MCF2L: variants seen among roughly 807,000 people sequenced by gnomAD.
The protein encoded by MCF2L is MCF.2 cell line derived transforming sequence like.
MCF2L carries 97 observed loss-of-function variants against 153.4 expected under a neutral mutation model. The ratio of observed to expected loss-of-function variants is 0.63; its 90% CI spans 0.54 to 0.75. The LOEUF is 0.75. Ranked by LOEUF, MCF2L falls within the 30% of genes least tolerant of loss-of-function variation. MCF2L has a pLI of 0.00. For missense variants in MCF2L, 1,347 were observed against 1,495.2 expected, an observed-to-expected ratio of 0.90 and a Z score of 1.64; for synonymous variants, 659 against 632.2, an observed-to-expected ratio of 1.04 and a Z score of -0.64.
At chr13:113,003,603 C>T (rs1442297414) in intron 1 of MCF2L, among the ~76,000 whole-genome samples, 1 of 152,170 alleles carries the variant, frequency 6.6e-6, no homozygotes, top group Non-Finnish European at 1.5e-5. Context: ...TCCTGAAGGA[C>T]CAGGCAAAGC....
At chr13:113,094,980 G>T in intron 27 of MCF2L, 1 of 1,380,476 alleles carries the variant, frequency 7.2e-7, no homozygotes, top group Non-Finnish European at 9.7e-7. Context: ...TGCCCACCCA[G>T]CCTCCTGTAG....
At chr13:112,977,545 A>G (rs1008944342) in intron 1 of MCF2L, among the ~76,000 whole-genome samples, 8 of 152,236 alleles carry the variant, frequency 5.3e-5, no homozygotes, top group African/African-American at 1.7e-4. Flanking sequence ...GGTTTTAATT[A>G]GTAACATCTT....
Position 113,045,195 on chromosome 13 carries a change from G to A in MCF2L, c.279-76G>A. The stretch of plus-strand genomic sequence containing the variant: ...AATATGGGGGATCGCTCTCCCAAGA[G>A]GTTTTCTGAGGGATTTCGTGGGCAG... On this transcript the variant is annotated intron_variant, in intron 3 of 29. Coordinates refer to ENST00000535094, the MANE Select transcript of MCF2L (RefSeq NM_001112732.3). This position sits in a 1 kb window ranked among gnomAD's most constrained non-coding sequence, Gnocchi z 4.2. The A allele has an allele frequency of 1.7e-6, 2 of 1,190,148 alleles. No homozygotes were observed. Among genetic ancestry groups the A allele is most frequent in the Non-Finnish European group, 2.5e-6 (2 of 793,982 alleles). 73.7% of individuals were successfully genotyped at this position (1,190,148 alleles called of 1,614,324 possible).
At chr13:113,059,271 C>T (rs1280168406) in intron 4 of MCF2L, among the ~76,000 whole-genome samples, 1 of 152,214 alleles carries the variant, frequency 6.6e-6, no homozygotes, top group Non-Finnish European at 1.5e-5. Flanking sequence ...CCACGCGTCC[C>T]CTGACTTCAG....
intron 2 of MCF2L, among the ~76,000 whole-genome samples, chr13:112,931,347 G>A (rs1013622839): frequency 2.0e-5 from 3 of 152,338 alleles, no homozygotes; most frequent in South Asian, 2.1e-4. Context: ...GTCGTTTCCC[G>A]TAGATACAGG....
At chr13:112,919,306 C>T (rs1044196524) in intron 2 of MCF2L, among the ~76,000 whole-genome samples, 137 of 146,088 alleles carry the variant, frequency 9.4e-4, no homozygotes, top group Middle Eastern at 3.6e-3. Flanking sequence ...CCCGGGTTCA[C>T]GCCATTCTCC....
In MCF2L at chr13:113,045,297, T is replaced by A. The variant is rs2086740366; in HGVS notation, c.305T>A (p.Ile102Asn). 1 of 1,613,916 alleles carries A rather than the reference T, an allele frequency of 6.2e-7. No homozygotes were observed. Among genetic ancestry groups the A allele is most frequent in the Admixed American group, 1.7e-5 (1 of 60,014 alleles). Reference protein sequence around the residue: ...PSLQDAGIGFILVIDRRRDKW... With the variant: ...PSLQDAGIGFNLVIDRRRDKW... ...CTGCAGGACGCTGGCATCGGATTCA[T>A]CCTGGTGATAGACCGGCGACGGGAC... is the stretch of plus-strand genomic sequence containing the variant. The change falls in exon 4 of 30, where the codon ATC (isoleucine) becomes AAC (asparagine). Residue 102 changes from isoleucine (I) to asparagine (N), a missense_variant. Ile to Asn is a moderately radical substitution (Grantham distance 149). Coordinates refer to ENST00000535094, the MANE Select transcript of MCF2L (RefSeq NM_001112732.3). This position sits in a 1 kb window ranked among gnomAD's most constrained non-coding sequence, Gnocchi z 4.2.
intron 1 of MCF2L, among the ~76,000 whole-genome samples, chr13:112,990,403 G>A (rs557266909): frequency 3.4e-4 from 52 of 152,330 alleles, no homozygotes; most frequent in African/African-American, 1.3e-3. Flanking sequence ...AGTAAAGAGT[G>A]TGCTAAGCAA....
intron 4 of MCF2L, among the ~76,000 whole-genome samples, chr13:113,049,434 G>A (rs2087060412): frequency 6.6e-6 from 1 of 152,192 alleles, no homozygotes; most frequent in South Asian, 2.1e-4. Context: ...TGACCCCTTG[G>A]GCATCTTGAT....
At chr13:113,020,413 G>T (rs2084801485) in intron 2 of MCF2L, among the ~76,000 whole-genome samples, 1 of 152,236 alleles carries the variant, frequency 6.6e-6, no homozygotes, top group Non-Finnish European at 1.5e-5. Flanking sequence ...GCGTGTGCGT[G>T]TGTGTATCTA....
At chr13:113,023,070 G>A (rs370083472) in intron 2 of MCF2L, among the ~76,000 whole-genome samples, 6 of 152,314 alleles carry the variant, frequency 3.9e-5, no homozygotes, top group South Asian at 2.1e-4. Flanking sequence ...CTTCCCCTTC[G>A]GGGGCTTCCT....
intron 17 of MCF2L, 70 bp downstream of exon 17, chr13:113,082,612 G>A (rs2034255636): frequency 1.7e-6 from 2 of 1,188,636 alleles, no homozygotes; most frequent in South Asian, 2.6e-5. Context: ...GCTTCAGGGG[G>A]CTGGAATGGG....
intron 3 of MCF2L, among the ~76,000 whole-genome samples, chr13:113,029,014 T>G (rs1020423556): frequency 2.0e-5 from 3 of 151,914 alleles, no homozygotes; most frequent in African/African-American, 7.3e-5. Context: ...TGAGCGTGAG[T>G]GTATGCGTGC....
At chr13:112,982,942 T>G (rs2140917158) in intron 1 of MCF2L, among the ~76,000 whole-genome samples, 1 of 151,990 alleles carries the variant, frequency 6.6e-6, no homozygotes, top group Admixed American at 6.5e-5. Flanking sequence ...GGAGCTGGGC[T>G]GGGGCTGGGG....
intron 2 of MCF2L, among the ~76,000 whole-genome samples, chr13:112,905,671 G>C (rs993808519): frequency 1.3e-5 from 2 of 152,176 alleles, no homozygotes; most frequent in Non-Finnish European, 2.9e-5. Context: ...ATTACACTGG[G>C]CATAACATTC....
chr13:112,960,297 C>T lies in MCF2L; in HGVS notation c.170-54466C>T, dbSNP rs2081809205. ...GCGGAGAGACCGAGAGGGGGCCAAG[C>T]GCGCTCTCACAACTGAAACAGCGCT... On this transcript the variant is annotated intron_variant, in intron 2 of 29. Transcript: ENST00000375608. The surrounding 1 kb of genome is among the most constrained non-coding windows in gnomAD (Gnocchi z 4.2). Among the ~76,000 whole-genome samples the T allele has an allele frequency of 1.3e-5, 2 of 152,130 alleles. No homozygotes were observed. Among genetic ancestry groups the T allele is most frequent in the Admixed American group, 6.5e-5 (1 of 15,274 alleles).
At chr13:113,025,957 TCA>T (rs2085259443) in intron 3 of MCF2L, among the ~76,000 whole-genome samples, 1 of 98,484 alleles carries the variant, frequency 1.0e-5, no homozygotes, top group East Asian at 5.5e-4. Flanking sequence ...GATTTCCCCG[TCA>T]TGGGGTCCCC....
intron 1 of MCF2L, among the ~76,000 whole-genome samples, chr13:113,006,258 A>C (rs779238925): frequency 2.0e-5 from 3 of 152,216 alleles, no homozygotes; most frequent in Admixed American, 6.5e-5. Context: ...GCGTGGGCTC[A>C]GTCCTGGCAC....
chr13:112,913,205 CTCTG>C (rs201924221), intron 2 of MCF2L, among the ~76,000 whole-genome samples: 2 of 142,330 alleles, frequency 1.4e-5, no homozygotes, highest in Non-Finnish European at 3.1e-5. Flanking sequence ...TCTGGTGTAT[CTCTG>C]TATGTATGGG....
Sources: gnomAD v4.1 joint callset for allele counts (sites outside exome capture counted in the v4.1 genomes callset) on GRCh38, gnomAD v4.1.1 for gene constraint, Gnocchi (gnomAD v3.1) non-coding constraint, MANE v1.5 for transcripts, NCBI Gene and HGNC (gene_info 2026-07-23, HGNC 2026-07-21) for gene names.